The following ASAP2 variants were observed in gnomAD, a reference collection of about 807,000 sequenced individuals.
The protein encoded by ASAP2 is arf-GAP with SH3 domain, ANK repeat and PH domain-containing protein 2.
A neutral mutation model predicts 131.4 loss-of-function variants in ASAP2; 45 were observed. The observed-to-expected ratio is 0.34, with a 90% CI of 0.27 to 0.44. The LOEUF is 0.44. ASAP2 is among the 20% of genes least tolerant of loss of function. The pLI is 1.00. For missense variants in ASAP2, 1,011 were observed against 1,297.0 expected, an observed-to-expected ratio of 0.78 and a Z score of 3.39; for synonymous variants, 510 against 503.0, an observed-to-expected ratio of 1.01 and a Z score of -0.19.
chr2:9,355,787 A>G (rs1411155740), intron 12 of ASAP2, among the ~76,000 whole-genome samples: 1 of 152,196 alleles, frequency 6.6e-6, no homozygotes, highest in Non-Finnish European at 1.5e-5. Context: ...GATGGTTTTC[A>G]TTGAATAGCT....
chr2:9,325,572 C>T (rs1670428246), intron 6 of ASAP2, among the ~76,000 whole-genome samples: 1 of 152,218 alleles, frequency 6.6e-6, no homozygotes, highest in Non-Finnish European at 1.5e-5. Context: ...TGAATTTTGA[C>T]ATTCAAGTAG....
At chr2:9,327,751 T>A (rs554972187) in intron 6 of ASAP2, 75 bp from the exon 7 acceptor site, 12 of 1,065,262 alleles carry the variant, frequency 1.1e-5, no homozygotes, top group Non-Finnish European at 1.6e-5. Flanking sequence ...GAAGAAATCA[T>A]CTCAGTCCTC....
intron 3 of ASAP2, among the ~76,000 whole-genome samples, chr2:9,306,385 C>T (rs967753825): frequency 6.6e-6 from 1 of 151,634 alleles, no homozygotes; most frequent in Non-Finnish European, 1.5e-5. Flanking sequence ...TGGGTGCCTG[C>T]GAGGGGCCTC....
chr2:9,259,866 C>T (rs1665453658), intron 1 of ASAP2, among the ~76,000 whole-genome samples: 1 of 152,202 alleles, frequency 6.6e-6, no homozygotes, highest in Non-Finnish European at 1.5e-5. Context: ...TCCCTTGCAC[C>T]CTGATGAGCC....
chr2:9,271,227 G>C (rs1666371368), intron 1 of ASAP2: 1 of 665,026 alleles, frequency 1.5e-6, no homozygotes, highest in East Asian at 2.5e-5. Context: ...AGGGACAGAA[G>C]GGAAATTCTA....
chr2:9,295,587 T>C (rs538984466), intron 2 of ASAP2, among the ~76,000 whole-genome samples: 2 of 152,248 alleles, frequency 1.3e-5, no homozygotes, highest in Admixed American at 6.5e-5. Context: ...CATACAGATA[T>C]TTACAGGTGG....
chr2:9,358,890 G>A lies in ASAP2; in HGVS notation c.1461+1G>A. On this transcript the variant is annotated splice_donor_variant, in intron 15 of 27. Coordinates refer to ENST00000281419, the MANE Select transcript of ASAP2 (RefSeq NM_003887.3). LOFTEE classifies it high-confidence loss of function. Reference sequence around the variant, plus strand: ...TGTACTGGGAACATCTGAGCTGCTGGTAATTTTTAAATCCTTGATTTCAGA... The same window carrying A: ...TGTACTGGGAACATCTGAGCTGCTGATAATTTTTAAATCCTTGATTTCAGA... 1 of 1,597,254 alleles carries A rather than the reference G, an allele frequency of 6.3e-7. No homozygotes were observed. The highest frequency in any genetic ancestry group is 8.5e-7 in the Non-Finnish European group (1 of 1,172,052).
At chr2:9,381,927 G>C (rs1674877896) in intron 20 of ASAP2, among the ~76,000 whole-genome samples, 1 of 149,966 alleles carries the variant, frequency 6.7e-6, no homozygotes, top group Non-Finnish European at 1.5e-5. Flanking sequence ...ACAAGTGTAA[G>C]ATAAGTAACA....
At chr2:9,248,378 T>C (rs978506469) in intron 1 of ASAP2, among the ~76,000 whole-genome samples, 1 of 152,200 alleles carries the variant, frequency 6.6e-6, no homozygotes, top group African/African-American at 2.4e-5. Context: ...GTGTCATTTT[T>C]TTTTTTCTTC....
At position 9,268,269 on chromosome 2, in the gene ASAP2, T is replaced by C. The variant is rs1666078652; in HGVS notation, c.127-11048T>C. Among the ~76,000 whole-genome samples, 1 of 152,230 alleles carries C rather than the reference T, an allele frequency of 6.6e-6. No individual in the cohort carries two copies. The highest frequency in any genetic ancestry group is 1.5e-5 in the Non-Finnish European group (1 of 68,042). ...CATTTCGGTTTATCCAGTTGGGGGCTGTTTTGAGGAGTGTTAGGACAGCCT... is the reference window on the plus strand; with the variant it reads ...CATTTCGGTTTATCCAGTTGGGGGCCGTTTTGAGGAGTGTTAGGACAGCCT... On this transcript the variant is annotated intron_variant, in intron 1 of 27. Coordinates refer to ENST00000281419, the MANE Select transcript of ASAP2 (RefSeq NM_003887.3). This position sits in a 1 kb window ranked among gnomAD's most constrained non-coding sequence, Gnocchi z 4.1.
intron 1 of ASAP2, among the ~76,000 whole-genome samples, chr2:9,215,665 G>T (rs1397549706): frequency 4.4e-5 from 6 of 136,538 alleles, no homozygotes; most frequent in East Asian, 2.2e-4. Flanking sequence ...TGTTTAGCTA[G>T]TTTTTTTTTT....
chr2:9,390,787 A>G (rs189468421), intron 22 of ASAP2, among the ~76,000 whole-genome samples: 45 of 152,288 alleles, frequency 3.0e-4, no homozygotes, highest in Non-Finnish European at 2.1e-4. Flanking sequence ...AATGATACTG[A>G]TATTTGATAA....
intron 1 of ASAP2, among the ~76,000 whole-genome samples, chr2:9,267,168 C>T (rs981472746): frequency 7.9e-5 from 12 of 151,772 alleles, no homozygotes; most frequent in Admixed American, 3.9e-4. Flanking sequence ...TATTTTAGAT[C>T]GGGGGGTACA....
chr2:9,254,674 T>C (rs1313547983), intron 1 of ASAP2, among the ~76,000 whole-genome samples: 1 of 151,302 alleles, frequency 6.6e-6, no homozygotes, highest in Non-Finnish European at 1.5e-5. Context: ...GTCCCCGGCC[T>C]ATAAACTAAA....
In ASAP2 at chr2:9,392,687, A is replaced by C. The variant is rs1277407103; in HGVS notation, c.2519-795A>C. ...GAAAGATCATAAGCTGGATCCCTTC[A>C]TGTTTCCCCACGCCAGTTTCCTCTC... On this transcript the variant is annotated intron_variant, in intron 23 of 27. Transcript: ENST00000281419. The surrounding 1 kb of genome is among the most constrained non-coding windows in gnomAD (Gnocchi z 4.0). 6.6e-6 allele frequency among the ~76,000 whole-genome samples: 1 copy of C among 152,172 alleles called. No individual in the cohort carries two copies.
At chr2:9,244,004 A>G (rs1664165005) in intron 1 of ASAP2, among the ~76,000 whole-genome samples, 1 of 152,234 alleles carries the variant, frequency 6.6e-6, no homozygotes, top group African/African-American at 2.4e-5. Flanking sequence ...CATCATTAAA[A>G]TAATTTGAAT....
rs1366120912 is a variant in ASAP2 at position 9,217,701 on chromosome 2, G to A, written c.126+10471G>A. ...ACAATCTCGGCTCACTGCAAGCTCC[G>A]CCTCCTGGGTTCACGCCATTCTTCT... On this transcript the variant is annotated intron_variant, in intron 1 of 27. Transcript: ENST00000281419. This position sits in a 1 kb window ranked among gnomAD's most constrained non-coding sequence, Gnocchi z 4.0. 6.6e-6 allele frequency among the ~76,000 whole-genome samples: 1 copy of A among 151,370 alleles called. No homozygotes were observed. The highest frequency in any genetic ancestry group is 1.5e-5 in the Non-Finnish European group (1 of 67,926).
chr2:9,318,896 C>T (rs1669972546), intron 4 of ASAP2, among the ~76,000 whole-genome samples: 1 of 152,230 alleles, frequency 6.6e-6, no homozygotes, highest in Non-Finnish European at 1.5e-5. Flanking sequence ...CTCCAGGGAG[C>T]AGGGAAACCT....
chr2:9,359,349 C>T (rs926226770), intron 15 of ASAP2, among the ~76,000 whole-genome samples: 4 of 152,248 alleles, frequency 2.6e-5, no homozygotes, highest in African/African-American at 7.2e-5. Context: ...TATTGGTCTT[C>T]ATTTTTACTG....
Sources: gnomAD v4.1 joint callset for allele counts (sites outside exome capture counted in the v4.1 genomes callset) on GRCh38, gnomAD v4.1.1 for gene constraint, Gnocchi (gnomAD v3.1) non-coding constraint, MANE v1.5 for transcripts, NCBI Gene and HGNC (gene_info 2026-07-23, HGNC 2026-07-21) for gene names.